MMP26: variants seen among roughly 807,000 people sequenced by gnomAD.
The protein encoded by MMP26 is matrix metallopeptidase 26.
A neutral mutation model predicts 31.0 loss-of-function variants in MMP26; 33 were observed. The ratio of observed to expected loss-of-function variants is 1.06; its 90% CI spans 0.81 to 1.42. The LOEUF (loss-of-function observed/expected upper bound fraction) is 1.42. MMP26 is among the 40% of genes most tolerant of loss of function. The probability of loss-of-function intolerance (pLI) is 0.00; values close to 1 mark genes in which losing one functional copy is unlikely to be tolerated. For synonymous variants in MMP26, 122 were observed against 114.9 expected, an observed-to-expected ratio of 1.06 and a Z score of -0.40; for missense variants, 347 against 316.1, an observed-to-expected ratio of 1.10 and a Z score of -0.74.
intron 1 of MMP26, among the ~76,000 whole-genome samples, chr11:4,742,501 T>C (rs900197509): frequency 6.6e-6 from 1 of 152,166 alleles, no homozygotes; most frequent in Non-Finnish European, 1.5e-5. Flanking sequence ...TGCCTAGATA[T>C]ATGATTAAAC....
intron 2 of MMP26, chr11:4,804,264 A>G (rs535841992): frequency 3.1e-6 from 5 of 1,613,922 alleles, no homozygotes; most frequent in Non-Finnish European, 4.2e-6. Context: ...CAACAGCCAC[A>G]GCATACGTGG....
chr11:4,941,792 T>TA (rs397762207), intron 2 of MMP26, among the ~76,000 whole-genome samples: 2 of 151,140 alleles, frequency 1.3e-5, no homozygotes, highest in African/African-American at 2.4e-5. Flanking sequence ...TTCTTTTTTT[T>TA]AAAGTAAAAC....
intron 1 of MMP26, among the ~76,000 whole-genome samples, chr11:4,755,434 A>C (rs1848494142): frequency 1.3e-5 from 2 of 152,044 alleles, no homozygotes; most frequent in Admixed American, 6.6e-5. Context: ...CAACATAAAA[A>C]GTTGGGAACG....
At chr11:4,991,593 G>T in intron 6 of MMP26, 97 bp downstream of exon 6, 1 of 1,473,518 alleles carries the variant, frequency 6.8e-7, no homozygotes. Context: ...GTCAGGGTGA[G>T]GTGGAAGATT....
chr11:4,840,987 A>T (rs939642816), intron 2 of MMP26, among the ~76,000 whole-genome samples: 1 of 152,216 alleles, frequency 6.6e-6, no homozygotes, highest in African/African-American at 2.4e-5. Context: ...AGAATCAAGC[A>T]GAAATTCTGG....
intron 2 of MMP26, among the ~76,000 whole-genome samples, chr11:4,940,915 C>T (rs887911981): frequency 6.6e-6 from 1 of 152,158 alleles, no homozygotes; most frequent in Non-Finnish European, 1.5e-5. Context: ...ATAGTGCATA[C>T]TAATTTCCCT....
chr11:4,802,383 A>C (rs1206697349), intron 2 of MMP26, among the ~76,000 whole-genome samples: 1 of 152,222 alleles, frequency 6.6e-6, no homozygotes, highest in African/African-American at 2.4e-5. Flanking sequence ...TTTCATTAAA[A>C]AAGTGACTGG....
At chr11:4,980,684 A>G (rs1443417925) in intron 2 of MMP26, among the ~76,000 whole-genome samples, 1 of 152,118 alleles carries the variant, frequency 6.6e-6, no homozygotes, top group Admixed American at 6.6e-5. Context: ...TTTCTTGAAA[A>G]TATGAAGAAA....
intron 1 of MMP26, among the ~76,000 whole-genome samples, chr11:4,732,531 A>G (rs1848186373): frequency 6.9e-6 from 1 of 144,044 alleles, no homozygotes; most frequent in African/African-American, 2.6e-5. Context: ...CAAAAGAGCG[A>G]GACTCGTCTC....
At chr11:4,751,786 C>G (rs945921773) in intron 1 of MMP26, among the ~76,000 whole-genome samples, 4 of 152,012 alleles carry the variant, frequency 2.6e-5, no homozygotes, top group Non-Finnish European at 2.9e-5. Flanking sequence ...TGAGCAGAAA[C>G]AGCATAGAAG....
intron 2 of MMP26, among the ~76,000 whole-genome samples, chr11:4,844,702 A>T (rs1355240536): frequency 2.1e-4 from 32 of 152,174 alleles, no homozygotes; most frequent in Admixed American, 2.1e-3. Flanking sequence ...GCATGTGACA[A>T]AATTCAACAC....
intron 1 of MMP26, among the ~76,000 whole-genome samples, chr11:4,729,462 G>A (rs957204881): frequency 3.3e-5 from 5 of 152,008 alleles, no homozygotes; most frequent in Non-Finnish European, 7.4e-5. Flanking sequence ...AGACAGAGAG[G>A]GGCAGGAAGA....
At position 4,807,825 on chromosome 11, in the gene MMP26, G is replaced by C. The variant is rs374886121; in HGVS notation, c.-145+40484G>C. 6.6e-4 allele frequency among the ~76,000 whole-genome samples: 101 copies of C among 152,110 alleles called. 1 individual carries two copies. Among genetic ancestry groups the C allele is most frequent in the African/African-American group, 2.4e-3 (99 of 41,486 alleles). ...CTTGTTCTTTTTCTTTTATTTTTGA[G>C]ACATGCTTTCACTCTGTTGTCCAGG... On this transcript the variant is annotated intron_variant, in intron 2 of 7. Transcript: ENST00000380390.
chr11:4,825,920 A>C (rs775137769), intron 2 of MMP26, among the ~76,000 whole-genome samples: 1 of 152,198 alleles, frequency 6.6e-6, no homozygotes, highest in Non-Finnish European at 1.5e-5. Flanking sequence ...TCATACAATA[A>C]TTTTAACAGG....
At position 4,809,522 on chromosome 11, in the gene MMP26, A is replaced by G. The variant is rs113255730; in HGVS notation, c.-145+42181A>G. Among the ~76,000 whole-genome samples, 1,148 of 152,338 alleles carry G rather than the reference A, an allele frequency of 7.5e-3. 17 individuals are homozygous for G. The highest frequency in any genetic ancestry group is 0.026 in the African/African-American group (1,100 of 41,576). ...ATCAGTCAGCTGTGTTGCTCAAGCC[A>G]GTGAGGGAATAGAAGATAAAATCAA... On this transcript the variant is annotated intron_variant, in intron 2 of 7. Transcript: ENST00000380390.
chr11:4,862,767 A>G (rs1850180770), intron 2 of MMP26, among the ~76,000 whole-genome samples: 1 of 152,140 alleles, frequency 6.6e-6, no homozygotes, highest in African/African-American at 2.4e-5. Context: ...TATTTTACAG[A>G]TTTGAGTATC....
intron 1 of MMP26, among the ~76,000 whole-genome samples, chr11:4,759,209 C>T (rs2133409017): frequency 6.7e-6 from 1 of 150,016 alleles, no homozygotes; most frequent in South Asian, 2.1e-4. Flanking sequence ...GAAGAATTTT[C>T]AGTCTCACAG....
rs1848056397 is a variant in MMP26, at chr11:4,723,829, TGCTGCTCCAG to T, written c.-217+18786_-217+18795del. 14 of 1,557,902 alleles carry T rather than the reference TGCTGCTCCAG, an allele frequency of 9.0e-6. No individual in the cohort carries two copies. In the South Asian group the frequency reaches 1.4e-4, roughly 16 times the overall value. On this transcript the variant is annotated intron_variant, in intron 1 of 7. Transcript: ENST00000380390. ...CCACTTGGTCTCCAGCATCTTGTTA[TGCTGCTCCAG>T]GAACCGTACCTTGTCTATGAAGGAG...
chr11:4,840,987 A>G (rs939642816), intron 2 of MMP26, among the ~76,000 whole-genome samples: 3 of 152,216 alleles, frequency 2.0e-5, no homozygotes, highest in Non-Finnish European at 2.9e-5. Context: ...AGAATCAAGC[A>G]GAAATTCTGG....
Sources: gnomAD v4.1 joint callset for allele counts (sites outside exome capture counted in the v4.1 genomes callset) on GRCh38, gnomAD v4.1.1 for gene constraint, MANE v1.5 for transcripts, NCBI Gene and HGNC (gene_info 2026-07-23, HGNC 2026-07-21) for gene names.